Variants in WDR33 observed in about 807,000 individuals in gnomAD.
The protein encoded by WDR33 is WD repeat domain 33.
WDR33 carries 47 observed loss-of-function variants against 164.9 expected under a neutral mutation model. The observed-to-expected ratio is 0.29, with a 90% CI of 0.23 to 0.36. The LOEUF is 0.36. WDR33 is among the 10% of genes least tolerant of loss of function. The probability of loss-of-function intolerance (pLI) is 1.00; values close to 1 mark genes in which losing one functional copy is unlikely to be tolerated. For missense variants in WDR33, 1,137 were observed against 1,754.1 expected (o/e 0.65, Z 6.28); for synonymous variants, 505 against 589.0 (o/e 0.86, Z 2.06).
At position 127,726,764 on chromosome 2, in the gene WDR33, A is replaced by G; in HGVS notation, c.738T>C (p.Asp246=). ...TTGGATGCCAGTCTACACATTTCACATCAGCACCATGCCCTGTCGGAAACA... is the reference window on the plus strand; with the variant it reads ...TTGGATGCCAGTCTACACATTTCACGTCAGCACCATGCCCTGTCGGAAACA... The part of the protein sequence containing the change: ...EERILRGHGA[D]VKCVDWHPTK... Residue 246 remains aspartate, a synonymous_variant, in exon 8 of 22, where the codon GAT becomes GAC. Transcript: ENST00000322313. The surrounding 1 kb of genome is among the most constrained non-coding windows in gnomAD (Gnocchi z 4.8). The G allele has an allele frequency of 1.9e-6, 3 of 1,614,198 alleles. No homozygotes were observed. The highest frequency in any genetic ancestry group is 2.5e-6 in the Non-Finnish European group (3 of 1,180,024).
At chr2:127,808,284 A>G (rs1407712947) in intron 1 of WDR33, among the ~76,000 whole-genome samples, 1 of 152,164 alleles carries the variant, frequency 6.6e-6, no homozygotes, top group African/African-American at 2.4e-5. Flanking sequence ...TGAAGCTTAG[A>G]GAGTTTAATT....
intron 1 of WDR33, among the ~76,000 whole-genome samples, chr2:127,804,321 TAAAAA>T (rs1432808323): frequency 1.3e-5 from 2 of 151,250 alleles, no homozygotes; most frequent in African/African-American, 2.4e-5. Flanking sequence ...AAAAAATAAA[TAAAAA>T]AAGAAAAGAA....
intron 1 of WDR33, among the ~76,000 whole-genome samples, chr2:127,806,198 GTTTT>G (rs1325286223): frequency 4.1e-5 from 6 of 145,972 alleles, no homozygotes; most frequent in Admixed American, 3.5e-4. Flanking sequence ...CTCTTTAGTT[GTTTT>G]TCTTTTTCTT....
At chr2:127,790,793 T>C (rs1256115096) in intron 1 of WDR33, among the ~76,000 whole-genome samples, 3 of 152,126 alleles carry the variant, frequency 2.0e-5, no homozygotes, top group African/African-American at 7.2e-5. Context: ...ATTTCTTTAA[T>C]AGATATAGGA....
chr2:127,772,437 A>T (rs891557592), intron 1 of WDR33, among the ~76,000 whole-genome samples: 4 of 103,556 alleles, frequency 3.9e-5, no homozygotes, highest in African/African-American at 1.5e-4. Context: ...AGACTGTCTT[A>T]AAAAAAAAAA....
chr2:127,754,401 C>G (rs1000944476), intron 7 of WDR33, among the ~76,000 whole-genome samples: 1 of 152,104 alleles, frequency 6.6e-6, no homozygotes, highest in Non-Finnish European at 1.5e-5. Flanking sequence ...CAATAGCTCA[C>G]ACAACAGTCC....
intron 7 of WDR33, chr2:127,737,590 A>ATT (rs1686885920): frequency 1.0e-6 from 1 of 995,616 alleles, no homozygotes; most frequent in Admixed American, 6.1e-5. Context: ...CAGTACCTAC[A>ATT]CTACGTTAAT....
At chr2:127,768,893 G>A in intron 3 of WDR33, 40 bp downstream of exon 3, 2 of 1,478,098 alleles carry the variant, frequency 1.4e-6, no homozygotes, top group Non-Finnish European at 1.9e-6. Flanking sequence ...TTCAAGCAAG[G>A]AAGTGTTTAT....
Position 127,716,825 on chromosome 2 carries a change from T to C in WDR33, c.2869+330A>G, listed in dbSNP as rs900376965. On this transcript the variant is annotated intron_variant, in intron 17 of 21. Transcript: ENST00000322313. The surrounding 1 kb of genome is among the most constrained non-coding windows in gnomAD (Gnocchi z 4.5). ...ACAATTCAAGCACAAACAGTCCATC[T>C]CTTCAGGGTGCTACAAACACACACT... Among the ~76,000 whole-genome samples, 1 of 152,200 alleles carries C rather than the reference T, an allele frequency of 6.6e-6. No homozygotes were observed. Among genetic ancestry groups the C allele is most frequent in the Non-Finnish European group, 1.5e-5 (1 of 68,038 alleles).
Position 127,713,884 on chromosome 2 carries a change from G to A in WDR33, c.3007C>T (p.Arg1003Cys), listed in dbSNP as rs112341522. 8.1e-6 allele frequency: 13 copies of A among 1,614,056 alleles called. 1 individual carries two copies. Among genetic ancestry groups the A allele is most frequent in the East Asian group, 2.2e-5 (1 of 44,892 alleles). Residue 1003 changes from arginine to cysteine, a missense_variant, in exon 18 of 22, where the codon CGT becomes TGT. Physicochemically the swap from Arg to Cys is radical, Grantham distance 180. Coordinates refer to ENST00000322313, the MANE Select transcript of WDR33 (RefSeq NM_018383.5). This position sits in a 1 kb window ranked among gnomAD's most constrained non-coding sequence, Gnocchi z 6.2. ...TCGGGGAAGTCTGGGTGAGGGCCAC[G>A]CCTATCAGGGGGACCCCTGCAGTCC... ...GQDCRGPPDR[R>C]GPHPDFPDDF...
chr2:127,735,272 G>A lies in WDR33; in HGVS notation c.725-8495C>T, dbSNP rs1032853897. The A allele has an allele frequency of 1.6e-6, 1 of 616,596 alleles. No homozygotes were observed. Among genetic ancestry groups the A allele is most frequent in the African/African-American group, 2.0e-5 (1 of 49,888 alleles). The allele number at this position is 616,596 out of a possible 1,614,324, so 38.2% of individuals were successfully genotyped here. On this transcript the variant is annotated intron_variant, in intron 7 of 21. Transcript: ENST00000322313. This position sits in a 1 kb window ranked among gnomAD's most constrained non-coding sequence, Gnocchi z 4.3. ...TCAGGCCCTCACCCCTCCTCCACCT[G>A]ATCACCCCTCCTCCACCTCATCAGA...
At position 127,708,023 on chromosome 2, in the gene WDR33, GC is replaced by G. The variant is rs1354880166; in HGVS notation, c.3781+653del. 2.6e-5 allele frequency among the ~76,000 whole-genome samples: 4 copies of G among 152,224 alleles called. No homozygotes were observed. Among genetic ancestry groups the G allele is most frequent in the African/African-American group, 7.2e-5 (3 of 41,464 alleles). On this transcript the variant is annotated intron_variant, in intron 21 of 21. Transcript: ENST00000322313. This position sits in a 1 kb window ranked among gnomAD's most constrained non-coding sequence, Gnocchi z 6.7. Reference sequence around the variant, plus strand: ...CAGACAGGCCAACTTCAGGAGCAGAGCACAAGCTGGGGCATGCGGGGAGCAG... The same window carrying G: ...CAGACAGGCCAACTTCAGGAGCAGAGACAAGCTGGGGCATGCGGGGAGCAG...
At chr2:127,752,593 T>C (rs1273270157) in intron 7 of WDR33, among the ~76,000 whole-genome samples, 10 of 84,348 alleles carry the variant, frequency 1.2e-4, no homozygotes, top group South Asian at 7.7e-4. Flanking sequence ...CGAGACTCCG[T>C]CTCAAAAAAA....
rs1446099827 is a variant in WDR33, at chr2:127,723,457, C to T, written c.1197-110G>A. On this transcript the variant is annotated intron_variant, in intron 11 of 21. Transcript: ENST00000322313. The surrounding 1 kb of genome is among the most constrained non-coding windows in gnomAD (Gnocchi z 5.9). The stretch of plus-strand genomic sequence containing the variant: ...CACAACACATTTTTACAATTTGTTT[C>T]TTCTACAAATTTAAAATGTGAGGTC... 7 of 867,766 alleles carry T rather than the reference C, an allele frequency of 8.1e-6. No individual in the cohort carries two copies. Among genetic ancestry groups the T allele is most frequent in the Admixed American group, 4.9e-5 (2 of 41,072 alleles). The allele number at this position is 867,766 out of a possible 1,614,324, so 53.8% of individuals were successfully genotyped here. A position where few individuals can be genotyped will look rare whatever the true frequency, so the allele number is the denominator to read the frequency against.
chr2:127,746,745 G>GCTTTA (rs1181220476), intron 7 of WDR33, among the ~76,000 whole-genome samples: 1 of 152,198 alleles, frequency 6.6e-6, no homozygotes. Context: ...TTTTGGAGCA[G>GCTTTA]CTAAAGAGGA....
intron 7 of WDR33, among the ~76,000 whole-genome samples, chr2:127,749,816 T>C (rs1271990900): frequency 1.3e-5 from 2 of 151,818 alleles, no homozygotes; most frequent in East Asian, 3.9e-4. Context: ...ACTGAGTCTT[T>C]CAAATACCTT....
chr2:127,739,445 T>C (rs772546602), intron 7 of WDR33, among the ~76,000 whole-genome samples: 2 of 152,252 alleles, frequency 1.3e-5, no homozygotes, highest in Non-Finnish European at 2.9e-5. Flanking sequence ...AAGGGTATGT[T>C]ACATGTAATT....
Position 127,741,960 on chromosome 2 carries a change from G to A in WDR33, c.725-15183C>T, listed in dbSNP as rs1687029074. Among the ~76,000 whole-genome samples, 1 of 152,108 alleles carries A rather than the reference G, an allele frequency of 6.6e-6. No homozygotes were observed. Among genetic ancestry groups the A allele is most frequent in the Admixed American group, 6.6e-5 (1 of 15,266 alleles). The stretch of plus-strand genomic sequence containing the variant: ...TCACACCTGTAATCCCAGCACTTTG[G>A]GAGGCCGAGGCGGGTGGATCACCTG... On this transcript the variant is annotated intron_variant, in intron 7 of 21. Coordinates refer to ENST00000322313, the MANE Select transcript of WDR33 (RefSeq NM_018383.5). This position sits in a 1 kb window ranked among gnomAD's most constrained non-coding sequence, Gnocchi z 4.1.
intron 18 of WDR33, among the ~76,000 whole-genome samples, chr2:127,711,993 C>T (rs1254872090): frequency 2.0e-5 from 3 of 149,278 alleles, no homozygotes; most frequent in East Asian, 2.1e-4. Context: ...AGGCTGGTCT[C>T]GAACTCCTGA....
Sources: allele counts gnomAD v4.1 joint callset (sites outside exome capture counted in the v4.1 genomes callset), GRCh38; gene constraint gnomAD v4.1.1; non-coding constraint Gnocchi (gnomAD v3.1); transcripts MANE v1.5; gene names NCBI Gene and HGNC (gene_info 2026-07-23, HGNC 2026-07-21).